MBTPS1: variants seen among roughly 807,000 people sequenced by gnomAD.
MBTPS1 encodes membrane bound transcription factor peptidase, site 1.
MBTPS1 carries 94 observed loss-of-function variants against 127.8 expected under a neutral mutation model. The observed-to-expected ratio is 0.74, with a 90% CI of 0.62 to 0.87. The LOEUF is 0.87. MBTPS1 is among the 40% of genes least tolerant of loss of function. The probability of loss-of-function intolerance (pLI) is 0.00; values close to 1 mark genes in which losing one functional copy is unlikely to be tolerated. For synonymous variants in MBTPS1, 632 were observed against 509.4 expected, an observed-to-expected ratio of 1.24 and a Z score of -3.24; for missense variants, 1,636 against 1,353.2, an observed-to-expected ratio of 1.21 and a Z score of -3.28.
chr16:84,088,117 A>C (rs1013842693), intron 8 of MBTPS1, among the ~76,000 whole-genome samples: 1 of 152,212 alleles, frequency 6.6e-6, no homozygotes, highest in African/African-American at 2.4e-5. Flanking sequence ...AAATGTGTAA[A>C]CCGTAAAGTC....
Position 84,095,021 on chromosome 16 carries a change from A to T in MBTPS1, c.625+581T>A, listed in dbSNP as rs189725478. On this transcript the variant is annotated intron_variant, in intron 4 of 22. Coordinates refer to ENST00000343411, the MANE Select transcript of MBTPS1 (RefSeq NM_003791.4). ...AAACATGAAGGTTTGGTCATGATGAATCAGCAAGGGAAAAATCCTTATTGT... is the reference window on the plus strand; with the variant it reads ...AAACATGAAGGTTTGGTCATGATGATTCAGCAAGGGAAAAATCCTTATTGT... 2.6e-5 allele frequency among the ~76,000 whole-genome samples: 4 copies of T among 152,360 alleles called. No homozygotes were observed. In the East Asian group the frequency reaches 7.7e-4, roughly 29 times the overall value.
chr16:84,067,893 G>T (rs750515798), intron 15 of MBTPS1, 70 bp from the exon 16 acceptor site: 5 of 1,445,304 alleles, frequency 3.5e-6, no homozygotes, highest in Non-Finnish European at 4.8e-6. Flanking sequence ...GGCAGAAACA[G>T]TGTCACCAGG....
Position 84,069,998 on chromosome 16 carries a change from G to A in MBTPS1, c.1823C>T (p.Pro608Leu). 1 of 1,613,914 alleles carries A rather than the reference G, an allele frequency of 6.2e-7. No homozygotes were observed. The highest frequency in any genetic ancestry group is 1.3e-5 in the African/African-American group (1 of 74,994). ...AGTAGGAATTATCTTCACCTTAATG[G>A]GGAGCTTTACTGTTGAAGTCTGTTC... is the stretch of plus-strand genomic sequence containing the variant. ...GAEQTSTVKL[P>L]IKVKIIPTPP... Residue 608 changes from proline (P) to leucine (L), a missense_variant, in exon 14 of 23, where the codon CCC (proline) becomes CTC (leucine). Pro to Leu is a moderately conservative substitution (Grantham distance 98, BLOSUM62 -3). Coordinates refer to ENST00000343411, the MANE Select transcript of MBTPS1 (RefSeq NM_003791.4).
intron 4 of MBTPS1, among the ~76,000 whole-genome samples, chr16:84,095,243 C>G (rs1047025765): frequency 2.0e-5 from 3 of 152,214 alleles, no homozygotes; most frequent in Non-Finnish European, 4.4e-5. Flanking sequence ...GCAGGCCTGT[C>G]GGTCAGCGCC....
At chr16:84,089,350 A>G (rs1045753809) in intron 8 of MBTPS1, among the ~76,000 whole-genome samples, 2 of 152,374 alleles carry the variant, frequency 1.3e-5, no homozygotes, top group East Asian at 1.9e-4. Context: ...CTTTCACACA[A>G]TAACGCCTAA....
At chr16:84,077,340 T>C (rs994509422) in intron 11 of MBTPS1, among the ~76,000 whole-genome samples, 1 of 148,058 alleles carries the variant, frequency 6.8e-6, no homozygotes, top group Non-Finnish European at 1.5e-5. Context: ...CTAACAGATA[T>C]TAAAACATGC....
chr16:84,079,101 G>A (rs753809006), intron 11 of MBTPS1, among the ~76,000 whole-genome samples: 3 of 152,200 alleles, frequency 2.0e-5, no homozygotes, highest in Non-Finnish European at 4.4e-5. Flanking sequence ...AGATCTGGGT[G>A]TTTAACAGTC....
At position 84,087,356 on chromosome 16, in the gene MBTPS1, AC is replaced by A; in HGVS notation, c.1134+1del. ...ACAATTATTTAGCAAAGAAGAGCGTACCCAGGTAGTCATTCCCCTTGAAGAA... is the reference window on the plus strand; with the variant it reads ...ACAATTATTTAGCAAAGAAGAGCGTACCAGGTAGTCATTCCCCTTGAAGAA... On this transcript the variant is annotated splice_donor_variant, in intron 9 of 22. Transcript: ENST00000343411. LOFTEE classifies it high-confidence loss of function. 6.2e-7 allele frequency: 1 copy of A among 1,609,062 alleles called. No individual in the cohort carries two copies. The highest frequency in any genetic ancestry group is 1.1e-5 in the South Asian group (1 of 90,988).
chr16:84,102,374 C>G (rs2086269439), intron 1 of MBTPS1, among the ~76,000 whole-genome samples: 1 of 152,028 alleles, frequency 6.6e-6, no homozygotes, highest in African/African-American at 2.4e-5. Context: ...GGTTTTAAGA[C>G]AAATTAATGT....
At chr16:84,110,300 A>T (rs1400273306) in intron 1 of MBTPS1, among the ~76,000 whole-genome samples, 1 of 152,256 alleles carries the variant, frequency 6.6e-6, no homozygotes, top group African/African-American at 2.4e-5. Flanking sequence ...TCCTGAAAGG[A>T]TTCATGGTAA....
chr16:84,080,395 C>T (rs926368543), intron 11 of MBTPS1, among the ~76,000 whole-genome samples: 7 of 152,198 alleles, frequency 4.6e-5, no homozygotes, highest in African/African-American at 1.4e-4. Context: ...AAGTATGTGA[C>T]GAAACAAGGC....
rs2086135801 is a variant in MBTPS1 at position 84,093,317 on chromosome 16, C to G, written c.737-20G>C. On this transcript the variant is annotated intron_variant, in intron 5 of 22. Transcript: ENST00000343411. ...CCAACCCTGCAGTCCATAAAGAAAA[C>G]AATCCCATAAAACACACTGAATAGC... 1 of 1,517,224 alleles carries G rather than the reference C, an allele frequency of 6.6e-7. No homozygotes were observed. Among genetic ancestry groups the G allele is most frequent in the South Asian group, 1.1e-5 (1 of 89,202 alleles). 94.0% of individuals were successfully genotyped at this position (1,517,224 alleles called of 1,614,324 possible).
Position 84,095,616 on chromosome 16 carries a change from T to C in MBTPS1, c.611A>G (p.Gln204Arg). 1 of 1,614,166 alleles carries C rather than the reference T, an allele frequency of 6.2e-7. No individual in the cohort carries two copies. Among genetic ancestry groups the C allele is most frequent in the Non-Finnish European group, 8.5e-7 (1 of 1,179,988 alleles). ...AQTLQADVLW[Q>R]MGYTGANVRV... ...ATAGCACACACCTGTATATCCCATC[T>C]GCCAGAGCACATCTGCCTGCAGTGT... Residue 204 changes from glutamine to arginine, a missense_variant, in exon 4 of 23, where the codon CAG (glutamine) becomes CGG (arginine). Coordinates refer to ENST00000343411, the MANE Select transcript of MBTPS1 (RefSeq NM_003791.4).
intron 12 of MBTPS1, among the ~76,000 whole-genome samples, chr16:84,072,653 G>A (rs1046378555): frequency 1.3e-4 from 20 of 152,160 alleles, no homozygotes; most frequent in African/African-American, 4.1e-4. Flanking sequence ...AGCCGGGCAT[G>A]GTGGTGGGCG....
chr16:84,085,723 A>G (rs994020450), intron 9 of MBTPS1, among the ~76,000 whole-genome samples: 1 of 152,214 alleles, frequency 6.6e-6, no homozygotes, highest in Non-Finnish European at 1.5e-5. Context: ...AAAGATAAGT[A>G]TTTTAATTTT....
rs149969932 is a variant in MBTPS1, at chr16:84,055,743, G to T, written c.2962+262C>A. Among the ~76,000 whole-genome samples, 5 of 152,354 alleles carry T rather than the reference G, an allele frequency of 3.3e-5. No individual in the cohort carries two copies. In the East Asian group the frequency reaches 9.6e-4, roughly 29 times the overall value. ...AAGTTACTTTGAACATGTTTAAGTA[G>T]ATCACCCAGCCGTTGTAAAATAAAT... On this transcript the variant is annotated intron_variant, in intron 22 of 22. Coordinates refer to ENST00000343411, the MANE Select transcript of MBTPS1 (RefSeq NM_003791.4).
At chr16:84,094,975 TA>T (rs2086159612) in intron 4 of MBTPS1, among the ~76,000 whole-genome samples, 1 of 152,152 alleles carries the variant, frequency 6.6e-6, no homozygotes, top group African/African-American at 2.4e-5. Context: ...GAAGTCAAGG[TA>T]AAAATCTTCA....
chr16:84,074,359 T>C (rs1392340255), intron 12 of MBTPS1, among the ~76,000 whole-genome samples: 1 of 152,086 alleles, frequency 6.6e-6, no homozygotes, highest in Non-Finnish European at 1.5e-5. Flanking sequence ...GTCAGCCTCC[T>C]GTGTATCTGG....
chr16:84,067,931 C>T, intron 15 of MBTPS1, 108 bp from the exon 16 acceptor site: 1 of 1,111,234 alleles, frequency 9.0e-7, no homozygotes, highest in Non-Finnish European at 1.3e-6. Flanking sequence ...TGACACCTAA[C>T]AGTCTGGTTT....
Sources: allele counts gnomAD v4.1 joint callset (sites outside exome capture counted in the v4.1 genomes callset), GRCh38; gene constraint gnomAD v4.1.1; transcripts MANE v1.5; gene names NCBI Gene and HGNC (gene_info 2026-07-23, HGNC 2026-07-21).